The following DAP3 variants were observed in gnomAD, a reference collection of about 807,000 sequenced individuals.
DAP3 encodes small ribosomal subunit protein mS29.
A neutral mutation model predicts 51.9 loss-of-function variants in DAP3; 28 were observed. The observed-to-expected ratio is 0.54, with a 90% CI of 0.40 to 0.74. The LOEUF is 0.74. DAP3 is among the 30% of genes least tolerant of loss of function. The probability of loss-of-function intolerance (pLI) is 0.00; values close to 1 mark genes in which losing one functional copy is unlikely to be tolerated. For synonymous variants in DAP3, 170 were observed against 170.3 expected (o/e 1.00, Z 0.01); for missense variants, 458 against 483.5 (o/e 0.95, Z 0.49).
Position 155,738,203 on chromosome 1 carries a change from G to C in DAP3, c.1158G>C (p.Ala386=). The C allele has an allele frequency of 6.2e-7, 1 of 1,614,208 alleles. No individual in the cohort carries two copies. The highest frequency in any genetic ancestry group is 8.5e-7 in the Non-Finnish European group (1 of 1,180,046). The change falls in exon 13 of 13, where the codon GCG becomes GCC. Residue 386 remains alanine (A), a synonymous_variant. Transcript: ENST00000368336. ...AAGAGCTGCTGTTCCTAAGTAACGC[G>C]AACCCCTCGCTGCTGGAGCGGCACT... is the stretch of plus-strand genomic sequence containing the variant. ...GKKELLFLSN[A]NPSLLERHCA...
At chr1:155,711,552 C>T (rs1214527793) in intron 2 of DAP3, among the ~76,000 whole-genome samples, 3 of 151,108 alleles carry the variant, frequency 2.0e-5, no homozygotes, top group Non-Finnish European at 2.9e-5. Flanking sequence ...TGAGGCTAGA[C>T]TGTAGAGTGC....
At chr1:155,718,751 T>TAG (rs1557783550) in intron 3 of DAP3, among the ~76,000 whole-genome samples, 4 of 146,942 alleles carry the variant, frequency 2.7e-5, no homozygotes, top group South Asian at 2.1e-4. Context: ...TAGATAGATA[T>TAG]AGATATAGAT....
At chr1:155,724,478 A>G (rs1028356300) in intron 4 of DAP3, among the ~76,000 whole-genome samples, 1 of 151,856 alleles carries the variant, frequency 6.6e-6, no homozygotes, top group African/African-American at 2.4e-5. Flanking sequence ...TACTAAAATT[A>G]CAAAAATCAG....
At chr1:155,732,180 T>A in intron 11 of DAP3, 147 bp downstream of exon 11, 1 of 578,300 alleles carries the variant, frequency 1.7e-6, no homozygotes, top group Non-Finnish European at 2.9e-6. Flanking sequence ...CCTAAAATAT[T>A]AACTTGATCA....
At chr1:155,707,123 T>A (rs558986111) in intron 1 of DAP3, among the ~76,000 whole-genome samples, 3 of 144,094 alleles carry the variant, frequency 2.1e-5, no homozygotes, top group Non-Finnish European at 3.0e-5. Flanking sequence ...ACAAAAAAAA[T>A]TTATAATAGG....
At chr1:155,737,127 G>T in intron 12 of DAP3, 64 bp downstream of exon 12, 1 of 1,157,260 alleles carries the variant, frequency 8.6e-7, no homozygotes, top group Non-Finnish European at 1.3e-6. Flanking sequence ...CTCAGTCAGA[G>T]CCTTGATCTC....
chr1:155,716,503 G>A (rs1163994739), intron 2 of DAP3, among the ~76,000 whole-genome samples: 1 of 151,698 alleles, frequency 6.6e-6, no homozygotes, highest in African/African-American at 2.4e-5. Context: ...AACCCAGGAG[G>A]CGGAGCTTGC....
At position 155,727,665 on chromosome 1, in the gene DAP3, G is replaced by A. The variant is rs141747463; in HGVS notation, c.530G>A (p.Arg177His). The change falls in exon 7 of 13, where the codon CGC (arginine) becomes CAC (histidine). Residue 177 changes from arginine to histidine, a missense_variant. Arg to His is a conservative substitution (Grantham distance 29, BLOSUM62 0). Coordinates refer to ENST00000368336, the MANE Select transcript of DAP3 (RefSeq NM_004632.4). The part of the protein sequence containing the change: ...DLLQSSYNKQ[R>H]FDQPLEASTW... ...CTGCAGTCCAGCTACAACAAACAGC[G>A]CTTTGATCAACCTTTAGAGGCTTCA... 46 of 1,613,620 alleles carry A rather than the reference G, an allele frequency of 2.9e-5. No homozygotes were observed. In the East Asian group the frequency reaches 5.6e-4, roughly 20 times the overall value.
At chr1:155,708,128 A>G (rs1252466853) in intron 1 of DAP3, among the ~76,000 whole-genome samples, 2 of 152,100 alleles carry the variant, frequency 1.3e-5, no homozygotes, top group African/African-American at 2.4e-5. Context: ...GCTCACTGCA[A>G]CCTCTGCCTC....
At position 155,690,647 on chromosome 1, in the gene DAP3, C is replaced by T. The variant is rs1252101952; in HGVS notation, c.-8+1473C>T. 3.5e-5 allele frequency among the ~76,000 whole-genome samples: 5 copies of T among 142,118 alleles called. 1 individual carries two copies. The highest frequency in any genetic ancestry group is 6.3e-5 in the African/African-American group (2 of 31,598). The allele number at this position is 142,118 out of a possible 152,430, so 93.2% of individuals were successfully genotyped here. ...TAATTTCTTAATTTTGAAAATTGTA[C>T]CATGGTCATATGTATGTAACATTAA... On this transcript the variant is annotated intron_variant, in intron 1 of 12. Transcript: ENST00000368336.
chr1:155,729,155 G>T (rs758210669), intron 8 of DAP3, 33 bp downstream of exon 8: 2 of 1,614,086 alleles, frequency 1.2e-6, no homozygotes, highest in East Asian at 4.5e-5. Flanking sequence ...TGTAACATGC[G>T]ATAACAAGAG....
chr1:155,717,024 T>C lies in DAP3; in HGVS notation c.64T>C (p.Leu22=). ...CTTATAGTTGGACCCTGGGCGTTTT[T>C]TACACATGGGGACCCAGGCTCGCCA... ...RIHKLDPGRF[L]HMGTQARQSI... Residue 22 remains leucine, a synonymous_variant, in exon 3 of 13, where the codon TTA becomes CTA. Transcript: ENST00000368336. 1 of 1,614,022 alleles carries C rather than the reference T, an allele frequency of 6.2e-7. No individual in the cohort carries two copies. The highest frequency in any genetic ancestry group is 8.5e-7 in the Non-Finnish European group (1 of 1,180,016).
intron 1 of DAP3, among the ~76,000 whole-genome samples, chr1:155,694,453 C>T (rs780273835): frequency 5.7e-5 from 8 of 141,562 alleles, no homozygotes; most frequent in South Asian, 2.1e-4. Context: ...TGGTAATTAC[C>T]GCAATCATAG....
intron 3 of DAP3, among the ~76,000 whole-genome samples, chr1:155,718,887 C>A (rs145634142): frequency 1.0e-3 from 157 of 152,224 alleles, no homozygotes; most frequent in African/African-American, 3.7e-3. Flanking sequence ...CTGCCAATTC[C>A]TCTGGGGTTT....
intron 7 of DAP3, among the ~76,000 whole-genome samples, 153 bp downstream of exon 7, chr1:155,727,891 A>T (rs1316987871): frequency 6.6e-6 from 1 of 152,018 alleles, no homozygotes; most frequent in Non-Finnish European, 1.5e-5. Context: ...GTGGACTCAT[A>T]ACTTGAAACT....
At chr1:155,735,276 A>G (rs1659651511) in intron 11 of DAP3, among the ~76,000 whole-genome samples, 1 of 148,032 alleles carries the variant, frequency 6.8e-6, no homozygotes, top group African/African-American at 2.5e-5. Flanking sequence ...AAAAAGAAAG[A>G]AAAAAATAAG....
intron 1 of DAP3, among the ~76,000 whole-genome samples, chr1:155,694,714 C>G (rs998111472): frequency 6.6e-6 from 1 of 152,112 alleles, no homozygotes; most frequent in Admixed American, 6.6e-5. Flanking sequence ...TTGTAGGTAC[C>G]CAAACTGGAA....
At chr1:155,701,954 C>A (rs1183577230) in intron 1 of DAP3, among the ~76,000 whole-genome samples, 3 of 150,606 alleles carry the variant, frequency 2.0e-5, no homozygotes, top group African/African-American at 4.9e-5. Flanking sequence ...AGGGAAGTAG[C>A]TGACAGCAAA....
chr1:155,737,130 T>A (rs1659889153), intron 12 of DAP3, 67 bp downstream of exon 12: 4 of 1,130,256 alleles, frequency 3.5e-6, no homozygotes. Flanking sequence ...AGTCAGAGCC[T>A]TGATCTCTTC....
Sources: allele counts gnomAD v4.1 joint callset (sites outside exome capture counted in the v4.1 genomes callset), GRCh38; gene constraint gnomAD v4.1.1; transcripts MANE v1.5; gene names NCBI Gene and HGNC (gene_info 2026-07-23, HGNC 2026-07-21).